Variants in SLC22A3 observed in about 807,000 individuals in gnomAD.
SLC22A3 encodes the protein solute carrier family 22 member 3.
A neutral mutation model predicts 59.1 loss-of-function variants in SLC22A3; 51 were observed. The observed-to-expected ratio is 0.86, with a 90% confidence interval of 0.69 to 1.09. The LOEUF (loss-of-function observed/expected upper bound fraction) is 1.09, where lower values mean the gene tolerates loss of function less well. Ranked by LOEUF, SLC22A3 falls within the 50% of genes least tolerant of loss-of-function variation. SLC22A3 has a pLI of 0.00. For synonymous variants in SLC22A3, 325 were observed against 292.0 expected (o/e 1.11, Z -1.15); for missense variants, 711 against 726.3 (o/e 0.98, Z 0.24).
chr6:160,400,479 C>T (rs1786727179), intron 2 of SLC22A3, among the ~76,000 whole-genome samples: 1 of 152,030 alleles, frequency 6.6e-6, no homozygotes, highest in Non-Finnish European at 1.5e-5. Context: ...TGAAGTTCAC[C>T]GTTTAGAGAC....
chr6:160,349,523 C>T (rs1784592268), intron 1 of SLC22A3, among the ~76,000 whole-genome samples: 1 of 152,040 alleles, frequency 6.6e-6, no homozygotes, highest in Admixed American at 6.5e-5. Context: ...AGCGGGAGGG[C>T]CACAGCCTTC....
intron 7 of SLC22A3, among the ~76,000 whole-genome samples, chr6:160,440,248 T>C (rs1321802517): frequency 2.0e-5 from 3 of 152,214 alleles, no homozygotes; most frequent in Non-Finnish European, 2.9e-5. Flanking sequence ...ACCACAAACC[T>C]AGCAGTTTGG....
At chr6:160,353,674 T>C (rs1784733349) in intron 1 of SLC22A3, among the ~76,000 whole-genome samples, 1 of 152,150 alleles carries the variant, frequency 6.6e-6, no homozygotes, top group African/African-American at 2.4e-5. Context: ...TCAGGAGCAG[T>C]GGTTGGTGTG....
chr6:160,361,502 T>A (rs1785010897), intron 1 of SLC22A3, among the ~76,000 whole-genome samples: 1 of 152,230 alleles, frequency 6.6e-6, no homozygotes, highest in African/African-American at 2.4e-5. Context: ...ATGCATATTG[T>A]ACAATGCATA....
At chr6:160,394,901 C>G (rs980060812) in intron 1 of SLC22A3, among the ~76,000 whole-genome samples, 2 of 152,170 alleles carry the variant, frequency 1.3e-5, no homozygotes, top group Admixed American at 1.3e-4. Context: ...AGGATTGGAG[C>G]TGGAGCTGCT....
chr6:160,387,675 T>C (rs563573905), intron 1 of SLC22A3, among the ~76,000 whole-genome samples: 1 of 152,222 alleles, frequency 6.6e-6, no homozygotes, highest in South Asian at 2.1e-4. Context: ...CCTAGACTTT[T>C]CTGACTGTTT....
At position 160,451,067 on chromosome 6, in the gene SLC22A3, A is replaced by C; in HGVS notation, c.*11A>C. 1 of 1,585,252 alleles carries C rather than the reference A, an allele frequency of 6.3e-7. No homozygotes were observed. Among genetic ancestry groups the C allele is most frequent in the South Asian group, 1.2e-5 (1 of 86,662 alleles). The stretch of plus-strand genomic sequence containing the variant: ...CGCTCTCACCTTTGAGGCCCCCGAC[A>C]AAGACAGAAAGAAGGAGCTATCCAG... On this transcript the variant is annotated 3_prime_UTR_variant, in exon 11 of 11. Transcript: ENST00000275300.
intron 1 of SLC22A3, among the ~76,000 whole-genome samples, chr6:160,388,382 C>G (rs1786107670): frequency 6.6e-6 from 1 of 152,158 alleles, no homozygotes; most frequent in Admixed American, 6.5e-5. Context: ...TGTATTCAAA[C>G]ACAGATTTCT....
chr6:160,437,017 A>T lies in SLC22A3; in HGVS notation c.1094A>T (p.Tyr365Phe). 1 of 1,614,156 alleles carries T rather than the reference A, an allele frequency of 6.2e-7. No individual in the cohort carries two copies. Among genetic ancestry groups the T allele is most frequent in the Non-Finnish European group, 8.5e-7 (1 of 1,180,010 alleles). The change falls in exon 7 of 11, where the codon TAT (tyrosine) becomes TTT (phenylalanine). Residue 365 changes from tyrosine to phenylalanine, a missense_variant. Tyr to Phe is a conservative substitution (Grantham distance 22, BLOSUM62 3). Coordinates refer to ENST00000275300, the MANE Select transcript of SLC22A3 (RefSeq NM_021977.4). Reference sequence around the variant, plus strand: ...TACAGGTTCACAAGCGCAGTGGTGTATCAAGGACTTGTCATGCGCCTGGGA... The same window carrying T: ...TACAGGTTCACAAGCGCAGTGGTGTTTCAAGGACTTGTCATGCGCCTGGGA... ...MFAWFTSAVV[Y>F]QGLVMRLGII...
chr6:160,451,125 A>AAG lies in SLC22A3; in HGVS notation c.*69_*70insAG. On this transcript the variant is annotated 3_prime_UTR_variant, in exon 11 of 11. Coordinates refer to ENST00000275300, the MANE Select transcript of SLC22A3 (RefSeq NM_021977.4). ...TCCTCCTTGCAAAGCTGTGCCTTGC[A>AAG]GAGATGCACGTGTGCATTTCAGCTA... 2 of 1,412,064 alleles carry AAG rather than the reference A, an allele frequency of 1.4e-6. No individual in the cohort carries two copies. Among genetic ancestry groups the AAG allele is most frequent in the Non-Finnish European group, 2.0e-6 (2 of 1,015,160 alleles). The allele number at this position is 1,412,064 out of a possible 1,614,324, so 87.5% of individuals were successfully genotyped here.
chr6:160,372,089 T>C (rs1785420577), intron 1 of SLC22A3, among the ~76,000 whole-genome samples: 1 of 152,220 alleles, frequency 6.6e-6, no homozygotes, highest in Non-Finnish European at 1.5e-5. Context: ...AGTCTCCCAC[T>C]ATTATTGTGT....
intron 1 of SLC22A3, among the ~76,000 whole-genome samples, chr6:160,349,937 G>A (rs3120138): frequency 6.6e-6 from 1 of 152,152 alleles, no homozygotes; most frequent in Non-Finnish European, 1.5e-5. Flanking sequence ...GAAAACACTG[G>A]ATGAGGAGGT....
At chr6:160,403,972 A>G (rs1026077659) in intron 2 of SLC22A3, among the ~76,000 whole-genome samples, 3 of 152,088 alleles carry the variant, frequency 2.0e-5, no homozygotes, top group African/African-American at 7.2e-5. Context: ...CTTAATGACG[A>G]TAAACTGTAC....
intron 10 of SLC22A3, among the ~76,000 whole-genome samples, chr6:160,448,561 A>G (rs1788834892): frequency 6.6e-6 from 1 of 152,180 alleles, no homozygotes; most frequent in African/African-American, 2.4e-5. Flanking sequence ...CATTAGTAGG[A>G]AGATAGAGAG....
intron 1 of SLC22A3, among the ~76,000 whole-genome samples, chr6:160,368,067 A>T (rs1785269270): frequency 6.6e-6 from 1 of 151,898 alleles, no homozygotes; most frequent in Non-Finnish European, 1.5e-5. Flanking sequence ...ATATTGCCTG[A>T]TAGTCATGTT....
intron 1 of SLC22A3, among the ~76,000 whole-genome samples, chr6:160,366,364 C>T (rs778490345): frequency 7.2e-5 from 11 of 152,334 alleles, no homozygotes; most frequent in Non-Finnish European, 1.0e-4. Context: ...GTGCTACAAG[C>T]CACATCCAGG....
At chr6:160,356,574 C>T (rs1784848629) in intron 1 of SLC22A3, among the ~76,000 whole-genome samples, 2 of 152,288 alleles carry the variant, frequency 1.3e-5, no homozygotes, top group South Asian at 2.1e-4. Context: ...CACTGAAGGG[C>T]CTGGGCTGAG....
At position 160,436,794 on chromosome 6, in the gene SLC22A3, T is replaced by C; in HGVS notation, c.990T>C (p.Asp330=). ...TTCTTATATAGATCACTGTTACAGA[T>C]GAGGAAGTTAGTAATCCATCCTTTT... The part of the protein sequence containing the change: ...SSNYSEITVT[D]EEVSNPSFLD... The change falls in exon 6 of 11, where the codon GAT becomes GAC. Residue 330 remains aspartate, a synonymous_variant. Coordinates refer to ENST00000275300, the MANE Select transcript of SLC22A3 (RefSeq NM_021977.4). The C allele has an allele frequency of 5.0e-6, 8 of 1,610,346 alleles. No homozygotes were observed. The highest frequency in any genetic ancestry group is 6.8e-6 in the Non-Finnish European group (8 of 1,176,662).
At chr6:160,397,409 G>C (rs1245615988) in intron 1 of SLC22A3, among the ~76,000 whole-genome samples, 2 of 151,968 alleles carry the variant, frequency 1.3e-5, no homozygotes, top group African/African-American at 2.4e-5. Flanking sequence ...TGACTCGGTG[G>C]TTGGGGACTC....
Sources: allele counts gnomAD v4.1 joint callset (sites outside exome capture counted in the v4.1 genomes callset), GRCh38; gene constraint gnomAD v4.1.1; transcripts MANE v1.5; gene names NCBI Gene and HGNC (gene_info 2026-07-23, HGNC 2026-07-21).